CNTNAP2: variants seen among roughly 807,000 people sequenced by gnomAD.
The protein encoded by CNTNAP2 is contactin-associated protein-like 2.
CNTNAP2 carries 98 observed loss-of-function variants against 155.2 expected under a neutral mutation model. The observed-to-expected ratio is 0.63, with a 90% confidence interval of 0.54 to 0.75. CNTNAP2 has a LOEUF of 0.75. Ranked by LOEUF, CNTNAP2 falls within the 30% of genes least tolerant of loss-of-function variation. The pLI is 0.00. For synonymous variants in CNTNAP2, 651 were observed against 631.2 expected (o/e 1.03, Z -0.47); for missense variants, 1,727 against 1,688.1 (o/e 1.02, Z -0.40).
Position 147,186,953 on chromosome 7 carries a change from C to G in CNTNAP2, c.1348+54444C>G, listed in dbSNP as rs115682580. Among the ~76,000 whole-genome samples the G allele has an allele frequency of 4.0e-3, 392 of 98,666 alleles. 22 individuals are homozygous for G. Among genetic ancestry groups the G allele is most frequent in the African/African-American group, 9.7e-3 (364 of 37,564 alleles). 64.7% of individuals were successfully genotyped at this position (98,666 alleles called of 152,430 possible). On this transcript the variant is annotated intron_variant, in intron 8 of 23. Transcript: ENST00000361727. ...ACTTGTTAAACTGAAGGTTGCTGAG[C>G]CCCATTCTCAAAATTTCAGACTCAA...
At position 146,246,220 on chromosome 7, in the gene CNTNAP2, T is replaced by C. The variant is rs141036524; in HGVS notation, c.97+129247T>C. Among the ~76,000 whole-genome samples the C allele has an allele frequency of 8.2e-3, 1,243 of 150,816 alleles. 10 individuals carry two copies. The highest frequency in any genetic ancestry group is 0.012 in the Non-Finnish European group (820 of 67,854). On this transcript the variant is annotated intron_variant, in intron 1 of 23. Transcript: ENST00000361727. ...CCAAGGAGGGAGTAGAAGTATCTTA[T>C]ACTTGTGGGTTAAGGTGGGGTAATA...
At chr7:148,031,562 A>G (rs1802476562) in intron 15 of CNTNAP2, among the ~76,000 whole-genome samples, 1 of 152,254 alleles carries the variant, frequency 6.6e-6, no homozygotes, top group African/African-American at 2.4e-5. Context: ...GCTACTTAAT[A>G]GAAAGTAAAT....
At chr7:146,488,796 T>G (rs1797096995) in intron 1 of CNTNAP2, among the ~76,000 whole-genome samples, 1 of 151,980 alleles carries the variant, frequency 6.6e-6, no homozygotes, top group South Asian at 2.1e-4. Context: ...GCCTGGCTAG[T>G]TTTTTGTGGA....
At chr7:146,926,721 A>G (rs1796617338) in intron 3 of CNTNAP2, among the ~76,000 whole-genome samples, 1 of 152,160 alleles carries the variant, frequency 6.6e-6, no homozygotes, top group Non-Finnish European at 1.5e-5. Context: ...AAGTCTATGA[A>G]TTAAATTTCA....
At chr7:146,846,925 T>C (rs1007686550) in intron 3 of CNTNAP2, among the ~76,000 whole-genome samples, 1 of 152,154 alleles carries the variant, frequency 6.6e-6, no homozygotes, top group Non-Finnish European at 1.5e-5. Context: ...TTCTAATGTT[T>C]AAAGTATCCA....
chr7:147,805,929 A>T (rs1468983104), intron 13 of CNTNAP2, among the ~76,000 whole-genome samples: 1 of 152,240 alleles, frequency 6.6e-6, no homozygotes, highest in Non-Finnish European at 1.5e-5. Flanking sequence ...ATGCTTCAGG[A>T]CATTGGTCTG....
At chr7:146,507,401 T>A (rs1022671727) in intron 1 of CNTNAP2, among the ~76,000 whole-genome samples, 1 of 152,228 alleles carries the variant, frequency 6.6e-6, no homozygotes, top group African/African-American at 2.4e-5. Context: ...GCACCTGCAC[T>A]TGCTGTATGG....
intron 3 of CNTNAP2, 102 bp downstream of exon 3, chr7:146,840,006 T>A (rs998737248): frequency 7.5e-7 from 1 of 1,333,718 alleles, no homozygotes; most frequent in African/African-American, 1.5e-5. Flanking sequence ...ATTTATGTAT[T>A]CAAATCATTG....
rs1101045 is a variant in CNTNAP2 at position 147,706,351 on chromosome 7, G to C, written c.2098+67045G>C. Among the ~76,000 whole-genome samples the C allele has an allele frequency of 5.3e-5, 8 of 151,674 alleles. No individual in the cohort carries two copies. In the South Asian group the frequency reaches 8.3e-4, roughly 16 times the overall value. On this transcript the variant is annotated intron_variant, in intron 13 of 23. Transcript: ENST00000361727. The stretch of plus-strand genomic sequence containing the variant: ...TAATGAATTCCTTCCACTTTCACTT[G>C]TCTGGGAGTTTATTTCTCCTTCATT...
In CNTNAP2 at chr7:147,505,886, T is replaced by C. The variant is rs1042560441; in HGVS notation, c.1777+19845T>C. On this transcript the variant is annotated intron_variant, in intron 11 of 23. Coordinates refer to ENST00000361727, the MANE Select transcript of CNTNAP2 (RefSeq NM_014141.6). Reference sequence around the variant, plus strand: ...TGGATCTTTTCCAGGTGCAGAAAGATCAGAGTCAAATGGGTTTGGATCAGA... The same window carrying C: ...TGGATCTTTTCCAGGTGCAGAAAGACCAGAGTCAAATGGGTTTGGATCAGA... Among the ~76,000 whole-genome samples the C allele has an allele frequency of 2.0e-5, 3 of 152,158 alleles. No homozygotes were observed. The South Asian group carries it at 6.2e-4, about 32-fold the overall frequency.
At chr7:147,600,758 C>T (rs538242019) in intron 12 of CNTNAP2, among the ~76,000 whole-genome samples, 1 of 152,108 alleles carries the variant, frequency 6.6e-6, no homozygotes, top group African/African-American at 2.4e-5. Flanking sequence ...TTGACCTTCC[C>T]TTTCCTTTTC....
intron 17 of CNTNAP2, among the ~76,000 whole-genome samples, chr7:148,166,841 G>A (rs547039256): frequency 2.6e-5 from 4 of 152,220 alleles, no homozygotes; most frequent in East Asian, 1.9e-4. Flanking sequence ...AACTTATGAC[G>A]TTTGTCACCA....
At chr7:147,405,504 T>G (rs4725717) in intron 10 of CNTNAP2, among the ~76,000 whole-genome samples, 98,217 of 151,990 alleles carry the variant, frequency 0.65, 32,842 homozygotes, top group African/African-American at 0.83. Flanking sequence ...AGTTGGAGCT[T>G]GTAGGACACT....
intron 4 of CNTNAP2, among the ~76,000 whole-genome samples, chr7:147,104,689 CTTTTA>C (rs1288496543): frequency 6.7e-6 from 1 of 150,360 alleles, no homozygotes; most frequent in African/African-American, 2.4e-5. Context: ...ATTATATATT[CTTTTA>C]TAAGTGTCTT....
intron 3 of CNTNAP2, among the ~76,000 whole-genome samples, chr7:146,934,985 T>C (rs1796879691): frequency 6.6e-6 from 1 of 152,246 alleles, no homozygotes; most frequent in African/African-American, 2.4e-5. Flanking sequence ...CATTTGCTAT[T>C]GTGACATTGA....
In CNTNAP2 at chr7:146,683,348, A is replaced by C. The variant is rs73166380; in HGVS notation, c.98-90923A>C. ...ATGCACGGCCAAGTCGTTACCTAAA[A>C]TATTTCAGTGATTTGGCGGGGAGTG... On this transcript the variant is annotated intron_variant, in intron 1 of 23. Transcript: ENST00000361727. Among the ~76,000 whole-genome samples, 3,171 of 152,252 alleles carry C rather than the reference A, an allele frequency of 0.021. 72 individuals are homozygous for C. The highest frequency in any genetic ancestry group is 0.11 in the East Asian group (556 of 5,176).
chr7:146,921,497 T>C (rs369241766), intron 3 of CNTNAP2, among the ~76,000 whole-genome samples: 60 of 152,152 alleles, frequency 3.9e-4, no homozygotes, highest in Middle Eastern at 3.4e-3. Flanking sequence ...TATTTTAAAA[T>C]AGGGGTTTAA....
chr7:146,401,737 C>T (rs1639489), intron 1 of CNTNAP2, among the ~76,000 whole-genome samples: 19,040 of 152,084 alleles, frequency 0.13, 1,653 homozygotes, highest in African/African-American at 0.24. Context: ...TTGCAAGATG[C>T]GTTCTCTCCT....
intron 21 of CNTNAP2, among the ~76,000 whole-genome samples, chr7:148,328,655 C>G (rs1204557442): frequency 6.6e-6 from 1 of 152,058 alleles, no homozygotes; most frequent in Admixed American, 6.6e-5. Flanking sequence ...AGGCACCTGT[C>G]CCAGGGTCAT....
Sources: allele counts gnomAD v4.1 joint callset (sites outside exome capture counted in the v4.1 genomes callset), GRCh38; gene constraint gnomAD v4.1.1; transcripts MANE v1.5; gene names NCBI Gene and HGNC (gene_info 2026-07-23, HGNC 2026-07-21).